CPLX2: variants seen among roughly 807,000 people sequenced by gnomAD.
CPLX2 encodes the protein complexin 2, also known as complexin-2.
Under a neutral mutation model 16.3 loss-of-function variants are expected in CPLX2, and 5 were observed. The observed-to-expected ratio is 0.31, with a 90% confidence interval of 0.16 to 0.64. The LOEUF is 0.64. Among genes scored for constraint, CPLX2 ranks in the 30% least tolerant of loss-of-function variants. CPLX2 has a pLI of 0.79. For missense variants in CPLX2, 144 were observed against 181.4 expected, an observed-to-expected ratio of 0.79 and a Z score of 1.18; for synonymous variants, 89 against 73.2, an observed-to-expected ratio of 1.22 and a Z score of -1.10.
intron 1 of CPLX2, among the ~76,000 whole-genome samples, chr5:175,874,599 T>C (rs984591369): frequency 3.9e-5 from 6 of 152,046 alleles, no homozygotes; most frequent in African/African-American, 1.5e-4. Flanking sequence ...CAAGGCATAC[T>C]AGAGAAAAAG....
At chr5:175,856,563 GAGAA>G (rs1216571403) in intron 2 of CPLX2, among the ~76,000 whole-genome samples, 1 of 152,236 alleles carries the variant, frequency 6.6e-6, no homozygotes, top group Admixed American at 6.5e-5. Context: ...GGTTTCCAAG[GAGAA>G]GGAGGAGAGG....
At chr5:175,854,940 A>T (rs1759225629) in intron 2 of CPLX2, among the ~76,000 whole-genome samples, 1 of 152,228 alleles carries the variant, frequency 6.6e-6, no homozygotes, top group Non-Finnish European at 1.5e-5. Flanking sequence ...GACAGACGTC[A>T]TCTCTGCCTC....
chr5:175,860,514 GAA>G (rs369405330), intron 2 of CPLX2, among the ~76,000 whole-genome samples: 90,024 of 135,242 alleles, frequency 0.67, 29,311 homozygotes, highest in East Asian at 0.93. Context: ...AAGAAAGAAA[GAA>G]AAAGAAAGAA....
intron 2 of CPLX2, among the ~76,000 whole-genome samples, chr5:175,833,150 C>T (rs1758761805): frequency 8.6e-6 from 1 of 116,486 alleles, no homozygotes; most frequent in African/African-American, 3.7e-5. Flanking sequence ...AAGTGAAACT[C>T]CATCTCAAAA....
chr5:175,837,195 C>T (rs927975444), intron 2 of CPLX2, among the ~76,000 whole-genome samples: 1 of 152,130 alleles, frequency 6.6e-6, no homozygotes, highest in Non-Finnish European at 1.5e-5. Flanking sequence ...AAATTCAGAC[C>T]CCAAGCTGTG....
At chr5:175,840,915 C>T (rs766519629) in intron 2 of CPLX2, among the ~76,000 whole-genome samples, 1 of 152,188 alleles carries the variant, frequency 6.6e-6, no homozygotes, top group Admixed American at 6.5e-5. Flanking sequence ...CACAGGTGTC[C>T]TCTGCAAGCC....
rs960364820 is a variant in CPLX2 at position 175,845,102 on chromosome 5, T to C, written c.-88-33550T>C. 6.6e-6 allele frequency among the ~76,000 whole-genome samples: 1 copy of C among 152,216 alleles called. No individual in the cohort carries two copies. Among genetic ancestry groups the C allele is most frequent in the Non-Finnish European group, 1.5e-5 (1 of 68,036 alleles). ...AGCCTTCCGTGCCCATGGAAGCACT[T>C]GCCTGCAGCTTCTGTGGCCAACAGA... On this transcript the variant is annotated intron_variant, in intron 2 of 4. Transcript: ENST00000359546. The surrounding 1 kb of genome is among the most constrained non-coding windows in gnomAD (Gnocchi z 4.0).
intron 2 of CPLX2, among the ~76,000 whole-genome samples, chr5:175,820,837 G>C (rs1457138050): frequency 6.6e-6 from 1 of 152,160 alleles, no homozygotes; most frequent in Non-Finnish European, 1.5e-5. Flanking sequence ...CAAATATATG[G>C]ACATGGTAAA....
At chr5:175,879,238 G>A (rs971786640) in intron 3 of CPLX2, among the ~76,000 whole-genome samples, 155 bp downstream of exon 3, 2 of 152,218 alleles carry the variant, frequency 1.3e-5, no homozygotes, top group African/African-American at 4.8e-5. Context: ...GTATCACAAG[G>A]TCACCTCCCT....
At chr5:175,799,147 G>T (rs2434235) in intron 1 of CPLX2, among the ~76,000 whole-genome samples, 4 of 152,260 alleles carry the variant, frequency 2.6e-5, no homozygotes, top group Admixed American at 2.0e-4. Context: ...ACTACCTACA[G>T]TGGGCTTTAG....
chr5:175,848,123 C>A (rs571863478), intron 2 of CPLX2, among the ~76,000 whole-genome samples: 1 of 152,186 alleles, frequency 6.6e-6, no homozygotes, highest in Non-Finnish European at 1.5e-5. Flanking sequence ...GTCTGTCCAG[C>A]CAGGAAACTC....
At chr5:175,800,328 C>G (rs150274488) in intron 1 of CPLX2, among the ~76,000 whole-genome samples, 2 of 152,008 alleles carry the variant, frequency 1.3e-5, no homozygotes, top group African/African-American at 4.8e-5. Context: ...TCAGAGCACA[C>G]GCAAAGAGCT....
At chr5:175,833,719 A>G (rs901781795) in intron 2 of CPLX2, among the ~76,000 whole-genome samples, 1 of 152,134 alleles carries the variant, frequency 6.6e-6, no homozygotes, top group African/African-American at 2.4e-5. Flanking sequence ...GGGAGGCTGG[A>G]GAGGGATTCC....
rs577081162 is a variant in CPLX2 at position 175,835,720 on chromosome 5, T to C, written c.-89+26652T>C. Among the ~76,000 whole-genome samples, 14 of 142,342 alleles carry C rather than the reference T, an allele frequency of 9.8e-5. No individual in the cohort carries two copies. In the East Asian group the frequency reaches 1.4e-3, roughly 14 times the overall value. 93.4% of individuals were successfully genotyped at this position (142,342 alleles called of 152,430 possible). On this transcript the variant is annotated intron_variant, in intron 2 of 4. Coordinates refer to the CPLX2 transcript ENST00000359546. The stretch of plus-strand genomic sequence containing the variant: ...TAAGTGGTTTTTATTTATTTATTTA[T>C]TTATTTACTTTTTTTTTTTTTTTTT...
chr5:175,826,196 G>C (rs998881758), intron 2 of CPLX2, among the ~76,000 whole-genome samples: 1 of 152,110 alleles, frequency 6.6e-6, no homozygotes, highest in African/African-American at 2.4e-5. Context: ...GGATAGTATG[G>C]GTGAGGTGAG....
intron 2 of CPLX2, among the ~76,000 whole-genome samples, chr5:175,824,789 C>T (rs1485792979): frequency 1.3e-5 from 2 of 152,176 alleles, no homozygotes; most frequent in African/African-American, 2.4e-5. Context: ...AAAGAGGATC[C>T]GTGGTTTTAC....
chr5:175,864,846 G>A (rs757548152), intron 2 of CPLX2, among the ~76,000 whole-genome samples: 17 of 152,130 alleles, frequency 1.1e-4, no homozygotes, highest in East Asian at 1.9e-4. Context: ...GGAGCTGGGC[G>A]CTGAGTTATA....
intron 2 of CPLX2, among the ~76,000 whole-genome samples, chr5:175,828,533 CG>C (rs1429410751): frequency 6.6e-6 from 1 of 152,182 alleles, no homozygotes; most frequent in Non-Finnish European, 1.5e-5. Flanking sequence ...TTCCTGGAAG[CG>C]TGTAAACAGG....
At chr5:175,813,423 A>G (rs556468301) in intron 2 of CPLX2, among the ~76,000 whole-genome samples, 2 of 152,386 alleles carry the variant, frequency 1.3e-5, no homozygotes, top group Admixed American at 1.3e-4. Context: ...AAGGGCTCAA[A>G]AAGTTAGTTC....
Sources: gnomAD v4.1 joint callset for allele counts (sites outside exome capture counted in the v4.1 genomes callset) on GRCh38, gnomAD v4.1.1 for gene constraint, Gnocchi (gnomAD v3.1) non-coding constraint, MANE v1.5 for transcripts, NCBI Gene and HGNC (gene_info 2026-07-23, HGNC 2026-07-21) for gene names.